PON3: variants seen among roughly 807,000 people sequenced by gnomAD.
The protein encoded by PON3 is serum paraoxonase/lactonase 3.
In PON3, 37 loss-of-function variants were observed where a neutral mutation model predicts 36.3. That is an observed-to-expected ratio of 1.02 (90% confidence interval 0.78 to 1.34). PON3 has a LOEUF of 1.34. Among genes scored for constraint, PON3 ranks in the 40% most tolerant of loss-of-function variants. PON3 has a pLI of 0.00. For synonymous variants in PON3, 155 were observed against 154.8 expected, an observed-to-expected ratio of 1.00 and a Z score of -0.01; for missense variants, 415 against 426.5, an observed-to-expected ratio of 0.97 and a Z score of 0.24.
intron 2 of PON3, among the ~76,000 whole-genome samples, chr7:95,394,275 A>G (rs1393915538): frequency 7.6e-6 from 1 of 131,278 alleles, no homozygotes; most frequent in Non-Finnish European, 1.6e-5. Flanking sequence ...AATGACAATA[A>G]GGAAAGGGAG....
intron 2 of PON3, among the ~76,000 whole-genome samples, chr7:95,393,933 C>T (rs1218875221): frequency 6.6e-6 from 1 of 151,980 alleles, no homozygotes; most frequent in African/African-American, 2.4e-5. Context: ...CTCGCTCTGT[C>T]GCCAGGCTGG....
At chr7:95,378,161 A>G (rs934275640) in intron 3 of PON3, among the ~76,000 whole-genome samples, 2 of 152,192 alleles carry the variant, frequency 1.3e-5, no homozygotes, top group African/African-American at 4.8e-5. Context: ...GATATCAGTG[A>G]TTGAAGACCA....
intron 3 of PON3, 41 bp from the exon 4 acceptor site, chr7:95,372,379 C>T: frequency 6.3e-7 from 1 of 1,582,358 alleles, no homozygotes; most frequent in Non-Finnish European, 8.7e-7. Flanking sequence ...ATATACATAT[C>T]AAAACAATAT....
Position 95,360,820 on chromosome 7 carries a change from A to G in PON3, c.907-689T>C, listed in dbSNP as rs1384039079. Reference sequence around the variant, plus strand: ...AGAAATTTATGAGTTACGAGTCTATATTGATATCTCTTATTAGAACAGAGT... The same window carrying G: ...AGAAATTTATGAGTTACGAGTCTATGTTGATATCTCTTATTAGAACAGAGT... On this transcript the variant is annotated intron_variant, in intron 8 of 8. Transcript: ENST00000265627. Among the ~76,000 whole-genome samples, 3 of 152,150 alleles carry G rather than the reference A, an allele frequency of 2.0e-5. No homozygotes were observed. The South Asian group carries it at 6.2e-4, about 31-fold the overall frequency.
chr7:95,386,612 T>A (rs2116416309), intron 3 of PON3, among the ~76,000 whole-genome samples: 1 of 152,156 alleles, frequency 6.6e-6, no homozygotes, highest in East Asian at 1.9e-4. Context: ...AAAGAAGGAA[T>A]CCTCCATAAC....
chr7:95,390,187 A>G lies in PON3; in HGVS notation c.168T>C (p.Asp56=). Residue 56 remains aspartate, a synonymous_variant, in exon 3 of 9, where the codon GAT becomes GAC. Transcript: ENST00000265627. ...EELESGSEDI[D]ILPSGLAFIS... The stretch of plus-strand genomic sequence containing the variant: ...TAAAAGCCAGCCCACTAGGAAGTAT[A>G]TCAATATCTTCAGAGCCACTTTCTG... 6 of 1,612,044 alleles carry G rather than the reference A, an allele frequency of 3.7e-6. No homozygotes were observed. The highest frequency in any genetic ancestry group is 5.1e-6 in the Non-Finnish European group (6 of 1,178,226).
intron 4 of PON3, among the ~76,000 whole-genome samples, chr7:95,369,374 T>C (rs140086869): frequency 1.3e-4 from 20 of 152,270 alleles, no homozygotes; most frequent in African/African-American, 4.6e-4. Context: ...ACGTTCTTCA[T>C]AGAGTGTCAT....
At chr7:95,396,256 C>G (rs1236565789) in intron 1 of PON3, 21 bp downstream of exon 1, 1 of 1,613,132 alleles carries the variant, frequency 6.2e-7, no homozygotes, top group South Asian at 1.1e-5. Flanking sequence ...GTCGAAGACG[C>G]CCTGTCAAGA....
rs1562770391 is a variant in PON3 at position 95,367,384 on chromosome 7, T to C, written c.472A>G (p.Ile158Val). The change falls in exon 5 of 9, where the codon ATA becomes GTA. Residue 158 changes from isoleucine to valine, a missense_variant. Ile to Val is a conservative substitution (Grantham distance 29, BLOSUM62 3). Transcript: ENST00000265627. ...QQRSLVYLKT[I>V]KHELLKSVND... ...TACCTTTTGAGAAGTTCATGTTTTA[T>C]AGTTTTCAGGTATACCAGAGAACGT... 4.3e-6 allele frequency: 7 copies of C among 1,613,090 alleles called. No individual in the cohort carries two copies. The highest frequency in any genetic ancestry group is 5.9e-6 in the Non-Finnish European group (7 of 1,179,672).
intron 3 of PON3, among the ~76,000 whole-genome samples, chr7:95,376,240 G>A (rs1808910490): frequency 6.6e-6 from 1 of 152,206 alleles, no homozygotes; most frequent in Admixed American, 6.5e-5. Context: ...AGAAGTGGGA[G>A]TTAGCTGGCA....
At chr7:95,386,626 T>G (rs1188145168) in intron 3 of PON3, among the ~76,000 whole-genome samples, 1 of 151,936 alleles carries the variant, frequency 6.6e-6, no homozygotes, top group Non-Finnish European at 1.5e-5. Context: ...CCATAACTCA[T>G]TTTATGAGGC....
chr7:95,387,367 A>T (rs1484053703), intron 3 of PON3, among the ~76,000 whole-genome samples: 2 of 152,192 alleles, frequency 1.3e-5, no homozygotes, highest in Non-Finnish European at 2.9e-5. Context: ...ATCATGAGTG[A>T]ACTCCCATTC....
chr7:95,364,229 T>C, intron 5 of PON3, 166 bp from the exon 6 acceptor site: 2 of 650,924 alleles, frequency 3.1e-6, no homozygotes, highest in Non-Finnish European at 5.5e-6. Context: ...TGATTCTGCA[T>C]TGCCCTGATG....
chr7:95,361,871 T>C (rs1808575531), intron 8 of PON3, among the ~76,000 whole-genome samples: 1 of 152,198 alleles, frequency 6.6e-6, no homozygotes, highest in Non-Finnish European at 1.5e-5. Context: ...AAGAGATATT[T>C]TAAAATAACA....
chr7:95,396,312 G>A lies in PON3; in HGVS notation c.39C>T (p.Gly13=). The change falls in exon 1 of 9, where the codon GGC becomes GGT. Residue 13 remains glycine (G), a synonymous_variant. Coordinates refer to ENST00000265627, the MANE Select transcript of PON3 (RefSeq NM_000940.3). ...GGAACATCTCCCCGACTAAGGACAG[G>A]CCGACCCCCAGCAGGACCAGCGCCA... ...KLVALVLLGV[G]LSLVGEMFLA... The A allele has an allele frequency of 3.1e-6, 5 of 1,613,956 alleles. No homozygotes were observed. The highest frequency in any genetic ancestry group is 4.2e-6 in the Non-Finnish European group (5 of 1,179,962).
At chr7:95,363,774 G>A in intron 6 of PON3, 89 bp downstream of exon 6, 1 of 1,271,620 alleles carries the variant, frequency 7.9e-7, no homozygotes, top group Admixed American at 1.7e-5. Context: ...CACTACGTAA[G>A]CCTAAGTAAG....
At chr7:95,369,835 G>T (rs1159590013) in intron 4 of PON3, among the ~76,000 whole-genome samples, 1 of 152,144 alleles carries the variant, frequency 6.6e-6, no homozygotes, top group African/African-American at 2.4e-5. Context: ...ACATTGAGAA[G>T]AAATATAGAA....
At chr7:95,376,569 C>T (rs1157000613) in intron 3 of PON3, among the ~76,000 whole-genome samples, 1 of 151,548 alleles carries the variant, frequency 6.6e-6, no homozygotes, top group Non-Finnish European at 1.5e-5. Context: ...TAACATTTCT[C>T]ATAAAATTAT....
intron 3 of PON3, among the ~76,000 whole-genome samples, chr7:95,389,776 A>G (rs1292800932): frequency 6.6e-6 from 1 of 152,228 alleles, no homozygotes; most frequent in Non-Finnish European, 1.5e-5. Context: ...ACATGGTGAG[A>G]GGAATACCAG....
Sources: gnomAD v4.1 joint callset for allele counts (sites outside exome capture counted in the v4.1 genomes callset) on GRCh38, gnomAD v4.1.1 for gene constraint, MANE v1.5 for transcripts, NCBI Gene and HGNC (gene_info 2026-07-23, HGNC 2026-07-21) for gene names.